TTC29: variants seen among roughly 807,000 people sequenced by gnomAD.
TTC29 encodes tetratricopeptide repeat domain 29, also known as tetratricopeptide repeat protein 29.
Under a neutral mutation model 58.1 loss-of-function variants are expected in TTC29, and 49 were observed. The observed-to-expected ratio is 0.84, with a 90% confidence interval of 0.67 to 1.07. The LOEUF is 1.07. Among genes scored for constraint, TTC29 ranks in the 50% least tolerant of loss-of-function variants. The probability of loss-of-function intolerance (pLI) is 0.00; values close to 1 mark genes in which losing one functional copy is unlikely to be tolerated. For missense variants in TTC29, 582 were observed against 555.6 expected (o/e 1.05, Z -0.48); for synonymous variants, 209 against 196.8 (o/e 1.06, Z -0.52).
intron 10 of TTC29, among the ~76,000 whole-genome samples, chr4:146,815,317 G>A (rs1337613158): frequency 1.3e-5 from 2 of 152,122 alleles, no homozygotes; most frequent in African/African-American, 4.8e-5. Context: ...TTTGCTTTTG[G>A]ATTGAATATG....
intron 11 of TTC29, among the ~76,000 whole-genome samples, chr4:146,757,354 G>A (rs1746530601): frequency 6.6e-6 from 1 of 152,132 alleles, no homozygotes; most frequent in Non-Finnish European, 1.5e-5. Context: ...GGCTGGTACT[G>A]GGGATAGTCT....
chr4:146,907,449 T>A (rs72960311), intron 5 of TTC29, among the ~76,000 whole-genome samples: 1 of 152,190 alleles, frequency 6.6e-6, no homozygotes, highest in African/African-American at 2.4e-5. Context: ...AGTTTAAATA[T>A]CACTGTAGAA....
intron 6 of TTC29, 38 bp downstream of exon 6, chr4:146,903,505 CA>C: frequency 6.4e-7 from 1 of 1,555,200 alleles, no homozygotes; most frequent in Admixed American, 1.9e-5. Context: ...CAGGATCCAC[CA>C]AAACATACCC....
At chr4:146,735,828 T>G (rs1194238338) in intron 11 of TTC29, among the ~76,000 whole-genome samples, 1 of 152,208 alleles carries the variant, frequency 6.6e-6, no homozygotes, top group Non-Finnish European at 1.5e-5. Context: ...CTGTCTCAGC[T>G]TCCCTTCATG....
At position 146,803,671 on chromosome 4, in the gene TTC29, T is replaced by G; in HGVS notation, c.1116A>C (p.Lys372Asn). The change falls in exon 11 of 13, where the codon AAA becomes AAC. Residue 372 changes from lysine (K) to asparagine (N), a missense_variant. Physicochemically the swap from Lys to Asn is moderately conservative, Grantham distance 94. Transcript: ENST00000325106. ...AAGCTTGCTGAAAGCATTCAGAAGC[T>G]TTGTTGTAGTATCCCTAAAAAGGTA... ...DIYNEKGYYN[K>N]ASECFQQAFD... 1 of 1,586,692 alleles carries G rather than the reference T, an allele frequency of 6.3e-7. No homozygotes were observed. Among genetic ancestry groups the G allele is most frequent in the Non-Finnish European group, 8.6e-7 (1 of 1,162,004 alleles).
chr4:146,865,180 T>A (rs1313908105), intron 8 of TTC29, among the ~76,000 whole-genome samples: 1 of 152,166 alleles, frequency 6.6e-6, no homozygotes, highest in East Asian at 1.9e-4. Context: ...TTCAATCTAT[T>A]CATTACTAGA....
chr4:146,851,693 G>T (rs2150184225), intron 8 of TTC29, among the ~76,000 whole-genome samples: 1 of 152,208 alleles, frequency 6.6e-6, no homozygotes, highest in South Asian at 2.1e-4. Flanking sequence ...CTTTTTACAA[G>T]TGCCTTAACT....
chr4:146,891,786 A>C (rs1032316845), intron 6 of TTC29, among the ~76,000 whole-genome samples: 1 of 152,160 alleles, frequency 6.6e-6, no homozygotes, highest in East Asian at 1.9e-4. Flanking sequence ...AGTCTTTCTG[A>C]AGCAGTTCTT....
chr4:146,923,828 C>G (rs1418929824), intron 4 of TTC29, among the ~76,000 whole-genome samples: 1 of 151,754 alleles, frequency 6.6e-6, no homozygotes, highest in Non-Finnish European at 1.5e-5. Flanking sequence ...AAAACTTTCT[C>G]ATTTGGAACA....
intron 11 of TTC29, among the ~76,000 whole-genome samples, chr4:146,749,691 A>G (rs1745832135): frequency 1.3e-5 from 2 of 152,166 alleles, no homozygotes; most frequent in African/African-American, 4.8e-5. Flanking sequence ...TGATGAAACT[A>G]AAAATGTTCT....
intron 11 of TTC29, among the ~76,000 whole-genome samples, chr4:146,746,298 A>G (rs116447259): frequency 0.017 from 2,632 of 152,354 alleles, 73 homozygotes; most frequent in African/African-American, 0.06. Context: ...GGGCTACAAC[A>G]CTGTGTAGGA....
intron 10 of TTC29, among the ~76,000 whole-genome samples, chr4:146,804,733 A>C (rs1181769708): frequency 6.6e-6 from 1 of 152,232 alleles, no homozygotes; most frequent in Non-Finnish European, 1.5e-5. Flanking sequence ...CAGCAGCCCC[A>C]GTCAGGGGCT....
chr4:146,726,769 C>T (rs1027717818), intron 11 of TTC29, among the ~76,000 whole-genome samples: 1 of 152,032 alleles, frequency 6.6e-6, no homozygotes, highest in South Asian at 2.1e-4. Flanking sequence ...CTAAATAGAA[C>T]AGTTCCTTTG....
chr4:146,830,551 A>C (rs1728089643), intron 9 of TTC29, among the ~76,000 whole-genome samples: 1 of 152,320 alleles, frequency 6.6e-6, no homozygotes, highest in South Asian at 2.1e-4. Context: ...ATTTATAGAG[A>C]TAGGTCTACC....
chr4:146,716,558 GGAT>G (rs1742943281), intron 11 of TTC29, among the ~76,000 whole-genome samples: 1 of 151,904 alleles, frequency 6.6e-6, no homozygotes, highest in Non-Finnish European at 1.5e-5. Context: ...ATCATCCAGG[GGAT>G]GATATTTTTA....
At chr4:146,888,557 C>A (rs1361869427) in intron 6 of TTC29, among the ~76,000 whole-genome samples, 1 of 152,124 alleles carries the variant, frequency 6.6e-6, no homozygotes, top group Non-Finnish European at 1.5e-5. Context: ...GAGAAAGCAG[C>A]ATTTATACAG....
At chr4:146,902,687 C>A (rs972915866) in intron 6 of TTC29, among the ~76,000 whole-genome samples, 5 of 152,116 alleles carry the variant, frequency 3.3e-5, no homozygotes, top group Non-Finnish European at 7.4e-5. Flanking sequence ...CTTCTCTGAG[C>A]TTTTCTAATA....
chr4:146,713,784 G>A (rs906408913), intron 11 of TTC29, among the ~76,000 whole-genome samples: 39 of 152,088 alleles, frequency 2.6e-4, no homozygotes, highest in African/African-American at 9.2e-4. Flanking sequence ...TGAATAAATG[G>A]AATGCAACTA....
At chr4:146,752,535 G>A (rs1746088304) in intron 11 of TTC29, among the ~76,000 whole-genome samples, 1 of 151,556 alleles carries the variant, frequency 6.6e-6, no homozygotes, top group Admixed American at 6.6e-5. Flanking sequence ...TTTCTTCACA[G>A]AATTGGAAAA....
Sources: allele counts gnomAD v4.1 joint callset (sites outside exome capture counted in the v4.1 genomes callset), GRCh38; gene constraint gnomAD v4.1.1; transcripts MANE v1.5; gene names NCBI Gene and HGNC (gene_info 2026-07-23, HGNC 2026-07-21).